Variants in PARVA observed in about 807,000 individuals in gnomAD.
PARVA encodes alpha-parvin.
A neutral mutation model predicts 52.6 loss-of-function variants in PARVA; 25 were observed. The observed-to-expected ratio is 0.48, with a 90% confidence interval of 0.35 to 0.66. The LOEUF is 0.66. Among genes scored for constraint, PARVA ranks in the 30% least tolerant of loss-of-function variants. The pLI, the probability that PARVA is intolerant of heterozygous loss-of-function variation, is 0.01. For missense variants in PARVA, 373 were observed against 450.9 expected (o/e 0.83, Z 1.56); for synonymous variants, 185 against 179.1 (o/e 1.03, Z -0.26).
chr11:12,441,345 C>CT (rs59863347), intron 1 of PARVA, among the ~76,000 whole-genome samples: 43,947 of 148,346 alleles, frequency 0.3, 6,904 homozygotes, highest in Non-Finnish European at 0.36. Flanking sequence ...TGGTAGAAAA[C>CT]TTTTTTTTTT....
At chr11:12,509,641 T>G (rs1941481999) in intron 7 of PARVA, among the ~76,000 whole-genome samples, 1 of 152,148 alleles carries the variant, frequency 6.6e-6, no homozygotes, top group Non-Finnish European at 1.5e-5. Flanking sequence ...CTAAGGGGCG[T>G]GGGCATTCCA....
chr11:12,425,274 C>A (rs967859632), intron 1 of PARVA, among the ~76,000 whole-genome samples: 4 of 152,140 alleles, frequency 2.6e-5, no homozygotes, highest in African/African-American at 9.7e-5. Context: ...TGAATGTAAA[C>A]CACCTGTGAA....
At chr11:12,417,294 T>A (rs1385156776) in intron 1 of PARVA, among the ~76,000 whole-genome samples, 1 of 152,250 alleles carries the variant, frequency 6.6e-6, no homozygotes, top group Non-Finnish European at 1.5e-5. Context: ...AAAGATTGGT[T>A]AAATAAATTA....
intron 1 of PARVA, among the ~76,000 whole-genome samples, chr11:12,457,799 T>TACGCACACAG (rs1554897411): frequency 6.6e-6 from 1 of 151,976 alleles, no homozygotes; most frequent in Admixed American, 6.6e-5. Context: ...GTCCTTCAGA[T>TACGCACACAG]ATGCACAATT....
chr11:12,477,699 A>G, intron 3 of PARVA, 148 bp from the exon 4 acceptor site: 1 of 596,518 alleles, frequency 1.7e-6, no homozygotes, highest in Non-Finnish European at 3.0e-6. Flanking sequence ...CCTAGGCAAC[A>G]TAGTGAGACC....
chr11:12,435,264 G>T (rs1331130471), intron 1 of PARVA, among the ~76,000 whole-genome samples: 1 of 152,092 alleles, frequency 6.6e-6, no homozygotes, highest in African/African-American at 2.4e-5. Context: ...TTTCCCCACT[G>T]ACTCTCCCTT....
At chr11:12,482,625 CAAA>C (rs35722013) in intron 4 of PARVA, among the ~76,000 whole-genome samples, 2 of 133,134 alleles carry the variant, frequency 1.5e-5, no homozygotes. Flanking sequence ...GTCTCCATCT[CAAA>C]AAAAAAAAAA....
intron 1 of PARVA, among the ~76,000 whole-genome samples, chr11:12,423,055 T>C (rs1428369850): frequency 6.6e-6 from 1 of 152,142 alleles, no homozygotes; most frequent in African/African-American, 2.4e-5. Flanking sequence ...GCTTTCACCA[T>C]GTTGGCCAGG....
At chr11:12,523,822 A>G (rs10500758) in intron 12 of PARVA, among the ~76,000 whole-genome samples, 5,786 of 152,308 alleles carry the variant, frequency 0.038, 292 homozygotes, top group East Asian at 0.21. Context: ...TGAGTTGCTA[A>G]TCACACAATT....
chr11:12,381,837 A>G (rs180718221), intron 1 of PARVA, among the ~76,000 whole-genome samples: 1 of 152,304 alleles, frequency 6.6e-6, no homozygotes, highest in Admixed American at 6.5e-5. Flanking sequence ...ACCTCAACCT[A>G]TGGTACACAT....
At chr11:12,485,196 A>G (rs1193984590) in intron 4 of PARVA, among the ~76,000 whole-genome samples, 2 of 152,192 alleles carry the variant, frequency 1.3e-5, no homozygotes, top group Non-Finnish European at 2.9e-5. Flanking sequence ...AGCCAAGACA[A>G]CAAAAGAGTT....
intron 7 of PARVA, 67 bp downstream of exon 7, chr11:12,508,709 AT>A: frequency 8.5e-7 from 1 of 1,177,302 alleles, no homozygotes; most frequent in South Asian, 1.3e-5. Flanking sequence ...AAATTCATCC[AT>A]TTGCTGATAT....
intron 1 of PARVA, among the ~76,000 whole-genome samples, chr11:12,399,354 T>A (rs565159845): frequency 9.5e-4 from 145 of 152,360 alleles, no homozygotes; most frequent in Non-Finnish European, 1.7e-3. Flanking sequence ...TCCAATCCTT[T>A]GTGGACTGTG....
intron 4 of PARVA, among the ~76,000 whole-genome samples, chr11:12,495,558 T>G (rs1027272239): frequency 3.3e-5 from 5 of 152,164 alleles, no homozygotes; most frequent in African/African-American, 1.2e-4. Context: ...CAAAGTTGTT[T>G]TTTTCTTTGT....
chr11:12,410,151 G>T (rs2134973770), intron 1 of PARVA, among the ~76,000 whole-genome samples: 1 of 152,342 alleles, frequency 6.6e-6, no homozygotes, highest in East Asian at 1.9e-4. Flanking sequence ...CTCATGGTAA[G>T]GGATTAGGCT....
Position 12,398,039 on chromosome 11 carries a change from G to C in PARVA, c.136+20256G>C, listed in dbSNP as rs550344753. On this transcript the variant is annotated intron_variant, in intron 1 of 12. Coordinates refer to ENST00000334956, the MANE Select transcript of PARVA (RefSeq NM_018222.5). Reference sequence around the variant, plus strand: ...GGCCCAGAACAGCTGGGCCCTGCCAGTGTCCTTCCCTCTGCTTCCAGTCCA... The same window carrying C: ...GGCCCAGAACAGCTGGGCCCTGCCACTGTCCTTCCCTCTGCTTCCAGTCCA... Among the ~76,000 whole-genome samples the C allele has an allele frequency of 2.0e-5, 3 of 152,258 alleles. No individual in the cohort carries two copies. In the South Asian group the frequency reaches 6.2e-4, roughly 32 times the overall value.
At chr11:12,513,883 GC>G in intron 9 of PARVA, 113 bp from the exon 10 acceptor site, 2 of 930,298 alleles carry the variant, frequency 2.1e-6, no homozygotes, top group Middle Eastern at 2.8e-4. Context: ...TCTTGGCTGG[GC>G]CTGATCCTCT....
chr11:12,376,657 AC>A, upstream of PARVA: 1 of 840,180 alleles, frequency 1.2e-6, no homozygotes. Flanking sequence ...AGGAGGAAAC[AC>A]AGTTGCCAAG....
intron 1 of PARVA, among the ~76,000 whole-genome samples, chr11:12,460,140 T>C (rs1378679048): frequency 6.6e-6 from 1 of 152,214 alleles, no homozygotes; most frequent in Non-Finnish European, 1.5e-5. Context: ...TTTAGAGATA[T>C]GCATTGTGTT....
Sources: allele counts gnomAD v4.1 joint callset (sites outside exome capture counted in the v4.1 genomes callset), GRCh38; gene constraint gnomAD v4.1.1; transcripts MANE v1.5; gene names NCBI Gene and HGNC (gene_info 2026-07-23, HGNC 2026-07-21).